PLA2R1: variants seen among roughly 807,000 people sequenced by gnomAD.
The protein encoded by PLA2R1 is phospholipase A2 receptor 1.
Under a neutral mutation model 195.9 loss-of-function variants are expected in PLA2R1, and 158 were observed. That is an observed-to-expected ratio of 0.81 (90% CI 0.71 to 0.92). The LOEUF (loss-of-function observed/expected upper bound fraction) is 0.92, where lower values mean the gene tolerates loss of function less well. PLA2R1 is among the 40% of genes least tolerant of loss of function. The pLI is 0.00. For missense variants in PLA2R1, 1,626 were observed against 1,764.6 expected (o/e 0.92, Z 1.41); for synonymous variants, 586 against 598.2 (o/e 0.98, Z 0.30).
At chr2:159,999,266 A>C (rs115507369) in intron 11 of PLA2R1, among the ~76,000 whole-genome samples, 4,339 of 152,236 alleles carry the variant, frequency 0.029, 104 homozygotes, top group South Asian at 0.047. Flanking sequence ...GGAATGACTA[A>C]GAATCTATAT....
chr2:160,037,763 T>C (rs1694252276), intron 3 of PLA2R1, among the ~76,000 whole-genome samples: 1 of 152,210 alleles, frequency 6.6e-6, no homozygotes. Context: ...TCTACTCATC[T>C]CTTGGGCTAC....
chr2:159,926,823 G>A, the PLA2R1 span, among the ~76,000 whole-genome samples: 1 of 152,136 alleles, frequency 6.6e-6, no homozygotes, highest in Non-Finnish European at 1.5e-5. Flanking sequence ...CAGGCCTGAA[G>A]AGACAGTGTG....
In PLA2R1 at chr2:159,987,237, T is replaced by A. The variant is rs114280866; in HGVS notation, c.1956A>T (p.Lys652Asn). 2.5e-6 allele frequency: 4 copies of A among 1,613,650 alleles called. No homozygotes were observed. Among genetic ancestry groups the A allele is most frequent in the Non-Finnish European group, 3.4e-6 (4 of 1,179,882 alleles). Residue 652 changes from lysine to asparagine, a missense_variant, in exon 12 of 30, where the codon AAA (lysine) becomes AAT (asparagine). Lys to Asn is a moderately conservative substitution (Grantham distance 94, BLOSUM62 0). Coordinates refer to ENST00000283243, the MANE Select transcript of PLA2R1 (RefSeq NM_007366.5). ...AGGGCCATCTCTCTTCATACTCTGC[T>A]TTTTCCTGATTTTCAACTGGCTGCT... ...LCKQPVENQE[K>N]AEYEERWPFH... is the part of the protein sequence containing the mutation.
chr2:159,943,959 G>C (rs188988098), intron 28 of PLA2R1, among the ~76,000 whole-genome samples: 357 of 151,808 alleles, frequency 2.4e-3, no homozygotes, highest in Non-Finnish European at 4.1e-3. Flanking sequence ...CTCCTCTTTC[G>C]TTCCTAGTTT....
At chr2:160,001,507 A>G (rs1170429752) in intron 11 of PLA2R1, among the ~76,000 whole-genome samples, 1 of 152,056 alleles carries the variant, frequency 6.6e-6, no homozygotes, top group Admixed American at 6.5e-5. Context: ...TATACAGTTA[A>G]GGACAAAGAA....
chr2:159,951,141 A>G (rs1180573145), intron 24 of PLA2R1, among the ~76,000 whole-genome samples, 199 bp downstream of exon 24: 1 of 152,220 alleles, frequency 6.6e-6, no homozygotes, highest in Non-Finnish European at 1.5e-5. Flanking sequence ...TACCCTAAAG[A>G]GGTGTGCACT....
At chr2:160,036,162 A>G (rs1301465521) in intron 3 of PLA2R1, among the ~76,000 whole-genome samples, 2 of 152,142 alleles carry the variant, frequency 1.3e-5, no homozygotes, top group African/African-American at 2.4e-5. Context: ...CATTTCCTAT[A>G]ACTTCCAAAT....
chr2:159,997,133 C>T (rs1485844455), intron 11 of PLA2R1, among the ~76,000 whole-genome samples: 1 of 152,056 alleles, frequency 6.6e-6, no homozygotes, highest in Non-Finnish European at 1.5e-5. Context: ...GTAAAAGAAA[C>T]TGCAGTAAAC....
chr2:159,953,793 G>A lies in PLA2R1; in HGVS notation c.3301+1406C>T, dbSNP rs1179085295. 2.0e-5 allele frequency among the ~76,000 whole-genome samples: 3 copies of A among 152,176 alleles called. No homozygotes were observed. In the East Asian group the frequency reaches 5.8e-4, roughly 29 times the overall value. Reference sequence around the variant, plus strand: ...ATCAAGGTAGTGGAATAGAATCATTGTGTTTAACTGAGACACCTTGAGTGT... The same window carrying A: ...ATCAAGGTAGTGGAATAGAATCATTATGTTTAACTGAGACACCTTGAGTGT... On this transcript the variant is annotated intron_variant, in intron 23 of 29. Transcript: ENST00000283243.
chr2:160,042,066 C>A lies in PLA2R1; in HGVS notation c.626G>T (p.Arg209Leu), dbSNP rs751363648. 19 of 1,613,980 alleles carry A rather than the reference C, an allele frequency of 1.2e-5. No homozygotes were observed. Among genetic ancestry groups the A allele is most frequent in the Non-Finnish European group, 1.6e-5 (19 of 1,179,954 alleles). ...TCCCCACTTTTCATCTCTTTCATAA[C>A]GGCTTGTCGTGGCACACCACAGTAA... Reference protein sequence around the residue: ...DDLLWCATTSRYERDEKWGFC... With the variant: ...DDLLWCATTSLYERDEKWGFC... The change falls in exon 3 of 30, where the codon CGT becomes CTT. Residue 209 changes from arginine to leucine, a missense_variant. Coordinates refer to ENST00000283243, the MANE Select transcript of PLA2R1 (RefSeq NM_007366.5).
At chr2:159,927,494 G>C (rs1177777449), downstream of PLA2R1, among the ~76,000 whole-genome samples, 3 of 152,094 alleles carry the variant, frequency 2.0e-5, no homozygotes, top group Non-Finnish European at 4.4e-5. Flanking sequence ...AATCAAATGG[G>C]GAACTTTGAA....
chr2:160,002,657 C>G (rs1691683503), intron 11 of PLA2R1, among the ~76,000 whole-genome samples: 1 of 151,964 alleles, frequency 6.6e-6, no homozygotes, highest in South Asian at 2.1e-4. Context: ...TCTACTGAAT[C>G]AGAATTTTAA....
chr2:159,928,183 T>A (rs1468722536), downstream of PLA2R1, among the ~76,000 whole-genome samples: 1 of 152,194 alleles, frequency 6.6e-6, no homozygotes, highest in Admixed American at 6.5e-5. Flanking sequence ...CTGCAAAAGC[T>A]GAGGTAGATG....
chr2:159,976,155 A>C lies in PLA2R1; in HGVS notation c.2508T>G (p.Phe836Leu). ...TGTGCAGCCAGCTACAGACAAACTCAAAGTTCAACCATTCTGAGGCAAAGG... is the reference window on the plus strand; with the variant it reads ...TGTGCAGCCAGCTACAGACAAACTCCAAGTTCAACCATTCTGAGGCAAAGG... ...FHTFASEWLN[F>L]EFVCSWLHSD... Residue 836 changes from phenylalanine (F) to leucine (L), a missense_variant, in exon 17 of 30, where the codon TTT becomes TTG. By Grantham distance (22) the Phe-to-Leu change is conservative. Coordinates refer to ENST00000283243, the MANE Select transcript of PLA2R1 (RefSeq NM_007366.5). 1 of 1,612,130 alleles carries C rather than the reference A, an allele frequency of 6.2e-7. No individual in the cohort carries two copies. The highest frequency in any genetic ancestry group is 8.5e-7 in the Non-Finnish European group (1 of 1,178,304).
chr2:160,024,000 G>T (rs1316886598), intron 6 of PLA2R1, among the ~76,000 whole-genome samples: 1 of 150,632 alleles, frequency 6.6e-6, no homozygotes, highest in Non-Finnish European at 1.5e-5. Context: ...ACACCACCAG[G>T]GTCACCTACA....
chr2:159,953,897 G>A (rs1420503134), intron 23 of PLA2R1, among the ~76,000 whole-genome samples: 3 of 152,118 alleles, frequency 2.0e-5, no homozygotes, highest in East Asian at 3.9e-4. Flanking sequence ...GCAGTGGTGC[G>A]ATCTCGGCTC....
chr2:159,943,620 A>T (rs2125917132), intron 28 of PLA2R1, among the ~76,000 whole-genome samples: 1 of 152,260 alleles, frequency 6.6e-6, no homozygotes, highest in South Asian at 2.1e-4. Flanking sequence ...CCCGTCTGTA[A>T]AATGGGGATA....
chr2:160,036,405 T>G (rs1694165631), intron 3 of PLA2R1, among the ~76,000 whole-genome samples: 1 of 152,194 alleles, frequency 6.6e-6, no homozygotes, highest in Non-Finnish European at 1.5e-5. Context: ...TATATGTGAT[T>G]CTTGAGGTCT....
intron 1 of PLA2R1, among the ~76,000 whole-genome samples, chr2:160,061,869 G>C (rs1455009859): frequency 6.6e-6 from 1 of 152,204 alleles, no homozygotes; most frequent in African/African-American, 2.4e-5. Context: ...CGCAGACCCT[G>C]AGCGCTTGCT....
Sources: allele counts gnomAD v4.1 joint callset (sites outside exome capture counted in the v4.1 genomes callset), GRCh38; gene constraint gnomAD v4.1.1; transcripts MANE v1.5; gene names NCBI Gene and HGNC (gene_info 2026-07-23, HGNC 2026-07-21).